The following JKAMP variants were observed in gnomAD, a reference collection of about 807,000 sequenced individuals.
JKAMP encodes the protein JNK1/MAPK8-associated membrane protein.
In JKAMP, 20 loss-of-function variants were observed where a neutral mutation model predicts 40.2. The ratio of observed to expected loss-of-function variants is 0.50; its 90% CI spans 0.35 to 0.72. The LOEUF (loss-of-function observed/expected upper bound fraction) is 0.72, where lower values mean the gene tolerates loss of function less well. Among genes scored for constraint, JKAMP ranks in the 30% least tolerant of loss-of-function variants. JKAMP has a pLI of 0.01. For missense variants in JKAMP, 276 were observed against 373.0 expected, an observed-to-expected ratio of 0.74 and a Z score of 2.14; for synonymous variants, 138 against 131.6, an observed-to-expected ratio of 1.05 and a Z score of -0.33.
chr14:59,499,861 C>CTCCTCTA (rs1264413803), intron 5 of JKAMP, among the ~76,000 whole-genome samples: 1 of 152,182 alleles, frequency 6.6e-6, no homozygotes, highest in African/African-American at 2.4e-5. Flanking sequence ...TTCCCTCTAG[C>CTCCTCTA]TCCTCTATTT....
rs192083095 is a variant in JKAMP at position 59,498,993 on chromosome 14, C to T, written c.640+85C>T. On this transcript the variant is annotated intron_variant, in intron 5 of 6. Transcript: ENST00000616435. The stretch of plus-strand genomic sequence containing the variant: ...TCTAGATTTAATTTTGGAGATTTTT[C>T]CTTAAGATAGTTTGTTTAATCCTTT... 4.4e-5 allele frequency: 20 copies of T among 457,218 alleles called. No homozygotes were observed. In the Admixed American group the frequency reaches 8.0e-4, roughly 18 times the overall value. 28.3% of individuals were successfully genotyped at this position (457,218 alleles called of 1,614,324 possible).
chr14:59,502,755 T>TGTTTTGTTTTGTTTTGTTTTTTTTTTTTG (rs67189643), intron 6 of JKAMP, among the ~76,000 whole-genome samples: 7 of 122,952 alleles, frequency 5.7e-5, no homozygotes, highest in Admixed American at 1.8e-4. Context: ...ATGAGATTTT[T>TGTTTTGTTTTGTTTTGTTTTTTTTTTTTG]TTTTTTTTTT....
At chr14:59,499,934 G>T (rs1420646466) in intron 5 of JKAMP, among the ~76,000 whole-genome samples, 1 of 152,132 alleles carries the variant, frequency 6.6e-6, no homozygotes, top group African/African-American at 2.4e-5. Flanking sequence ...TTTTGAGGTT[G>T]CCATTCTTGC....
chr14:59,493,823 C>T (rs1891215453), intron 3 of JKAMP, among the ~76,000 whole-genome samples: 1 of 152,094 alleles, frequency 6.6e-6, no homozygotes, highest in Non-Finnish European at 1.5e-5. Flanking sequence ...GGATTATGAT[C>T]ATATTATTCT....
intron 3 of JKAMP, among the ~76,000 whole-genome samples, chr14:59,492,797 ATTTTT>A (rs61117183): frequency 7.6e-6 from 1 of 131,998 alleles, no homozygotes; most frequent in Non-Finnish European, 1.6e-5. Context: ...GAGAGCTGCT[ATTTTT>A]TTTTTTTTTT....
intron 4 of JKAMP, chr14:59,495,451 C>T (rs190399608): frequency 2.0e-6 from 1 of 488,342 alleles, no homozygotes; most frequent in African/African-American, 1.9e-5. Context: ...AATTAATCCA[C>T]ACATTCTAGA....
chr14:59,497,204 T>G (rs1891515363), intron 4 of JKAMP, among the ~76,000 whole-genome samples: 3 of 152,176 alleles, frequency 2.0e-5, no homozygotes, highest in Admixed American at 2.0e-4. Flanking sequence ...ACATGTAAGC[T>G]TCTATCATTA....
chr14:59,500,731 T>G (rs557501077), intron 5 of JKAMP, among the ~76,000 whole-genome samples: 1 of 152,334 alleles, frequency 6.6e-6, no homozygotes, highest in Non-Finnish European at 1.5e-5. Context: ...TATTCTAGAA[T>G]GCAGAGGAGA....
In JKAMP at chr14:59,505,197, T is replaced by C; in HGVS notation, c.*1125T>C. 1 of 1,058,010 alleles carries C rather than the reference T, an allele frequency of 9.5e-7. No homozygotes were observed. The highest frequency in any genetic ancestry group is 1.3e-6 in the Non-Finnish European group (1 of 747,586). The allele number at this position is 1,058,010 out of a possible 1,614,324, so 65.5% of individuals were successfully genotyped here. ...AAAGTAAGTGCACTCACTTTTCCTG[T>C]AGTAGTCTGTCTTTTGAATTCACAG... is the stretch of plus-strand genomic sequence containing the variant. On this transcript the variant is annotated 3_prime_UTR_variant, in exon 7 of 7. Coordinates refer to ENST00000616435, the MANE Select transcript of JKAMP (RefSeq NM_016475.5).
intron 3 of JKAMP, among the ~76,000 whole-genome samples, chr14:59,488,560 G>T (rs1159191795): frequency 2.0e-5 from 3 of 152,184 alleles, no homozygotes; most frequent in Non-Finnish European, 4.4e-5. Context: ...GTAATCTGGG[G>T]TAGTCAAGAG....
chr14:59,503,808 C>A, intron 6 of JKAMP, 46 bp from the exon 7 acceptor site: 3 of 1,188,020 alleles, frequency 2.5e-6, no homozygotes, highest in Non-Finnish European at 3.7e-6. Flanking sequence ...CTGACTTAGC[C>A]TGATAATCTG....
At position 59,505,371 on chromosome 14, in the gene JKAMP, G is replaced by A; in HGVS notation, c.*1299G>A. ...TTATTTGTATTGCACACATTTGGGG[G>A]GTTATTAGTGTTCATTAAAATTCTG... On this transcript the variant is annotated 3_prime_UTR_variant, in exon 7 of 7. Coordinates refer to ENST00000616435, the MANE Select transcript of JKAMP (RefSeq NM_016475.5). 3.3e-6 allele frequency: 3 copies of A among 907,768 alleles called. No individual in the cohort carries two copies. Among genetic ancestry groups the A allele is most frequent in the East Asian group, 2.7e-5 (1 of 36,528 alleles). 56.2% of individuals were successfully genotyped at this position (907,768 alleles called of 1,614,324 possible).
Position 59,503,874 on chromosome 14 carries a change from C to A in JKAMP, c.738C>A (p.Val246=). The stretch of plus-strand genomic sequence containing the variant: ...TATAGAACTGCTATGATCTTCTGGT[C>A]AGAAAGAAAAGACTTATTGTTCTCT... The part of the protein sequence containing the change: ...SEIENCYDLL[V]RKKRLIVLFS... Residue 246 remains valine (V), a synonymous_variant, in exon 7 of 7, where the codon GTC becomes GTA. Coordinates refer to ENST00000616435, the MANE Select transcript of JKAMP (RefSeq NM_016475.5). 1 of 1,610,954 alleles carries A rather than the reference C, an allele frequency of 6.2e-7. No homozygotes were observed. Among genetic ancestry groups the A allele is most frequent in the African/African-American group, 1.3e-5 (1 of 74,960 alleles).
intron 6 of JKAMP, among the ~76,000 whole-genome samples, chr14:59,502,500 GA>G (rs1025672703): frequency 3.3e-5 from 5 of 152,094 alleles, no homozygotes; most frequent in South Asian, 2.1e-4. Context: ...GTGAGTGGGG[GA>G]AAACATCTAG....
Position 59,484,538 on chromosome 14 carries a change from G to A in JKAMP, c.-52G>A, listed in dbSNP as rs953385106. ...CGCTGTGGCCCGGATGTTCGGTGCAGCTGCCAGATCCGCTGATCTAGTGCT... is the reference window on the plus strand; with the variant it reads ...CGCTGTGGCCCGGATGTTCGGTGCAACTGCCAGATCCGCTGATCTAGTGCT... On this transcript the variant is annotated 5_prime_UTR_variant, in exon 1 of 7. Coordinates refer to ENST00000616435, the MANE Select transcript of JKAMP (RefSeq NM_016475.5). 3 of 1,560,418 alleles carry A rather than the reference G, an allele frequency of 1.9e-6. No homozygotes were observed. In the Middle Eastern group the frequency reaches 5.0e-4, roughly 261 times the overall value.
At chr14:59,499,548 C>T (rs1451379935) in intron 5 of JKAMP, among the ~76,000 whole-genome samples, 1 of 152,056 alleles carries the variant, frequency 6.6e-6, no homozygotes, top group Admixed American at 6.5e-5. Context: ...AAGAATAAGA[C>T]AAATTCACTG....
chr14:59,501,295 A>G (rs1183515830), intron 6 of JKAMP, 28 bp downstream of exon 6: 1 of 1,383,790 alleles, frequency 7.2e-7, no homozygotes, highest in Admixed American at 1.8e-5. Flanking sequence ...CCTTTGTTAA[A>G]GACTTTTTGA....
At chr14:59,486,691 A>T in intron 1 of JKAMP, 22 bp from the exon 2 acceptor site, 1 of 1,472,008 alleles carries the variant, frequency 6.8e-7, no homozygotes, top group Non-Finnish European at 9.3e-7. Context: ...ATGTTACTAT[A>T]CTGGCATTTG....
intron 5 of JKAMP, among the ~76,000 whole-genome samples, chr14:59,500,304 A>C (rs965470845): frequency 4.6e-5 from 7 of 152,208 alleles, no homozygotes; most frequent in Admixed American, 4.6e-4. Context: ...TTAACATTTG[A>C]AATTGTTCCA....
Sources: allele counts gnomAD v4.1 joint callset (sites outside exome capture counted in the v4.1 genomes callset), GRCh38; gene constraint gnomAD v4.1.1; transcripts MANE v1.5; gene names NCBI Gene and HGNC (gene_info 2026-07-23, HGNC 2026-07-21).